CMPK2: variants seen among roughly 807,000 people sequenced by gnomAD.
CMPK2 encodes the protein UMP-CMP kinase 2, mitochondrial.
In CMPK2, 32 loss-of-function variants were observed where a neutral mutation model predicts 33.4. The ratio of observed to expected loss-of-function variants is 0.96; its 90% CI spans 0.72 to 1.29. CMPK2 has a LOEUF of 1.29. Ranked by LOEUF, CMPK2 falls within the 50% of genes most tolerant of loss-of-function variation. CMPK2 has a pLI of 0.00. For synonymous variants in CMPK2, 299 were observed against 275.3 expected (o/e 1.09, Z -0.85); for missense variants, 672 against 616.0 (o/e 1.09, Z -0.96).
chr2:6,866,017 G>T, upstream of CMPK2: 1 of 511,942 alleles, frequency 2.0e-6, no homozygotes. Context: ...GGCTGACACC[G>T]AATGAGGCCC....
intron 3 of CMPK2, among the ~76,000 whole-genome samples, chr2:6,855,436 T>G (rs1480317953): frequency 2.0e-5 from 3 of 151,958 alleles, no homozygotes; most frequent in African/African-American, 7.3e-5. Flanking sequence ...GCCTCCCATA[T>G]AGCCATGCAG....
chr2:6,847,659 C>T (rs1217622132), downstream of CMPK2, among the ~76,000 whole-genome samples: 1 of 152,190 alleles, frequency 6.6e-6, no homozygotes, highest in Non-Finnish European at 1.5e-5. Context: ...AAGCTAATTC[C>T]TTTTAGTGTC....
downstream of CMPK2, among the ~76,000 whole-genome samples, chr2:6,847,534 C>G (rs946365501): frequency 6.6e-6 from 1 of 152,214 alleles, no homozygotes; most frequent in Non-Finnish European, 1.5e-5. Flanking sequence ...GTTCCCTTAT[C>G]AGTGCCTGCA....
chr2:6,849,795 G>GT lies in CMPK2; in HGVS notation c.*54dup. On this transcript the variant is annotated 3_prime_UTR_variant, in exon 5 of 5. Coordinates refer to ENST00000256722, the MANE Select transcript of CMPK2 (RefSeq NM_207315.4). ...GAACACTGCATAACAAATGGTGGAT[G>GT]TAGATGTTTCAAACAACATCTAATC... is the stretch of plus-strand genomic sequence containing the variant. The GT allele has an allele frequency of 1.9e-6, 3 of 1,609,086 alleles. No individual in the cohort carries two copies. In the Admixed American group the frequency reaches 5.1e-5, roughly 27 times the overall value.
chr2:6,843,316 T>C (rs1214638551), downstream of CMPK2, among the ~76,000 whole-genome samples: 3 of 152,238 alleles, frequency 2.0e-5, no homozygotes, highest in East Asian at 3.8e-4. Flanking sequence ...TGGATTGGAA[T>C]TACAGCTTCA....
chr2:6,854,529 A>C (rs921625571), intron 3 of CMPK2, among the ~76,000 whole-genome samples: 1 of 152,216 alleles, frequency 6.6e-6, no homozygotes, highest in Non-Finnish European at 1.5e-5. Flanking sequence ...GGCAATTCAC[A>C]CACACAAAGA....
Position 6,865,485 on chromosome 2 carries a change from C to A in CMPK2, c.212G>T (p.Arg71Leu). The change falls in exon 1 of 5, where the codon CGC (arginine) becomes CTC (leucine). Residue 71 changes from arginine to leucine, a missense_variant. By Grantham distance (102) the Arg-to-Leu change is moderately radical (BLOSUM62 -2). Transcript: ENST00000256722. The part of the protein sequence containing the change: ...RLAALLGPPE[R>L]SYSLCVPVTP... ...CACGGGCACGCACAGCGAGTAGCTG[C>A]GCTCCGGGGGCCCCAGCAGCGCCGC... is the stretch of plus-strand genomic sequence containing the variant. 1 of 1,270,014 alleles carries A rather than the reference C, an allele frequency of 7.9e-7. No homozygotes were observed. The highest frequency in any genetic ancestry group is 9.9e-7 in the Non-Finnish European group (1 of 1,012,612). The allele number at this position is 1,270,014 out of a possible 1,614,324, so 78.7% of individuals were successfully genotyped here. A position where few individuals can be genotyped will look rare whatever the true frequency, so the allele number is the denominator to read the frequency against.
chr2:6,866,569 A>G, upstream of CMPK2: 1 of 630,888 alleles, frequency 1.6e-6, no homozygotes, highest in Non-Finnish European at 2.0e-6. Flanking sequence ...GAAGTGTGTC[A>G]GGATAGCACC....
chr2:6,863,263 T>A (rs1020811209), intron 2 of CMPK2, among the ~76,000 whole-genome samples: 1 of 152,116 alleles, frequency 6.6e-6, no homozygotes, highest in Non-Finnish European at 1.5e-5. Context: ...GCACTGAGGA[T>A]CCGCGCCCAC....
chr2:6,856,799 A>G (rs896329685), intron 3 of CMPK2, among the ~76,000 whole-genome samples: 2 of 152,194 alleles, frequency 1.3e-5, no homozygotes, highest in Admixed American at 6.5e-5. Context: ...TTCATTCAAC[A>G]TTACGGTTTT....
chr2:6,853,775 A>G (rs549864626), intron 3 of CMPK2, among the ~76,000 whole-genome samples: 4 of 152,104 alleles, frequency 2.6e-5, no homozygotes, highest in East Asian at 1.9e-4. Context: ...GGTGGCGGGC[A>G]CCTGTAGTCC....
downstream of CMPK2, among the ~76,000 whole-genome samples, chr2:6,845,904 T>G (rs1572131045): frequency 6.6e-6 from 1 of 151,580 alleles, no homozygotes; most frequent in South Asian, 2.1e-4. Context: ...ATGGGGAGAG[T>G]ATTGAAGCTA....
downstream of CMPK2, among the ~76,000 whole-genome samples, chr2:6,845,603 G>A (rs1362255193): frequency 6.6e-6 from 1 of 152,154 alleles, no homozygotes; most frequent in Admixed American, 6.5e-5. Flanking sequence ...CTAGCTTTCT[G>A]CCCTGCTGGA....
chr2:6,848,782 CCT>C lies in CMPK2; in HGVS notation c.*1066_*1067del, dbSNP rs962770723. On this transcript the variant is annotated 3_prime_UTR_variant, in exon 5 of 5. Transcript: ENST00000256722. ...AAGTCACACAGCTCTATAATTTCCC[CCT>C]CACTCAGCTACTTTTTTCTGTCTAA... 1.0e-6 allele frequency: 1 copy of C among 985,560 alleles called. No individual in the cohort carries two copies. Among genetic ancestry groups the C allele is most frequent in the South Asian group, 4.7e-5 (1 of 21,282 alleles). 61.1% of individuals were successfully genotyped at this position (985,560 alleles called of 1,614,324 possible).
At chr2:6,859,554 G>T (rs1046880395) in intron 3 of CMPK2, among the ~76,000 whole-genome samples, 1 of 152,226 alleles carries the variant, frequency 6.6e-6, no homozygotes, top group Non-Finnish European at 1.5e-5. Flanking sequence ...CCAAGGTACA[G>T]CTCAGGCTCT....
At position 6,851,475 on chromosome 2, in the gene CMPK2, C is replaced by T. The variant is rs1323785279; in HGVS notation, c.1201G>A (p.Glu401Lys). 1 of 1,614,236 alleles carries T rather than the reference C, an allele frequency of 6.2e-7. No individual in the cohort carries two copies. The highest frequency in any genetic ancestry group is 8.5e-7 in the Non-Finnish European group (1 of 1,180,044). ...TTTTGACGAAACACACTGTTGGCCT[C>T]AAGTTCTGCTTCTTCCCTGGTCTTC... is the stretch of plus-strand genomic sequence containing the variant. ...MEKTREEAEL[E>K]ANSVFRQKVE... The change falls in exon 4 of 5, where the codon GAG (glutamate) becomes AAG (lysine). Residue 401 changes from glutamate to lysine, a missense_variant. Coordinates refer to ENST00000256722, the MANE Select transcript of CMPK2 (RefSeq NM_207315.4).
Position 6,861,237 on chromosome 2 carries a change from A to G in CMPK2, c.939T>C (p.Ile313=). ...ATTCTTTAGCTATTTCGGAGGCCAC[A>G]ATATAATTGCCCAAAGAGTAAAAAG... The part of the protein sequence containing the change: ...RRAFYSLGNY[I]VASEIAKESA... The change falls in exon 3 of 5, where the codon ATT becomes ATC. Residue 313 remains isoleucine, a synonymous_variant. Transcript: ENST00000256722. The G allele has an allele frequency of 1.2e-6, 2 of 1,614,160 alleles. No homozygotes were observed. Among genetic ancestry groups the G allele is most frequent in the Non-Finnish European group, 1.7e-6 (2 of 1,180,024 alleles).
In CMPK2 at chr2:6,848,504, G is replaced by A; in HGVS notation, c.*1346C>T. Reference sequence around the variant, plus strand: ...TATCAGCTTTAAAATACTTTCAACTGAAATCAATTACATTTTAATATACAC... The same window carrying A: ...TATCAGCTTTAAAATACTTTCAACTAAAATCAATTACATTTTAATATACAC... On this transcript the variant is annotated 3_prime_UTR_variant, in exon 5 of 5. Transcript: ENST00000256722. 1 of 968,702 alleles carries A rather than the reference G, an allele frequency of 1.0e-6. No individual in the cohort carries two copies. Among genetic ancestry groups the A allele is most frequent in the Non-Finnish European group, 1.2e-6 (1 of 814,706 alleles). 60.0% of individuals were successfully genotyped at this position (968,702 alleles called of 1,614,324 possible).
intron 3 of CMPK2, among the ~76,000 whole-genome samples, chr2:6,859,536 G>T (rs1425709246): frequency 6.6e-6 from 1 of 152,198 alleles, no homozygotes; most frequent in Non-Finnish European, 1.5e-5. Context: ...CTAGCCTTGA[G>T]TAAGAGGCCA....
Sources: gnomAD v4.1 joint callset for allele counts (sites outside exome capture counted in the v4.1 genomes callset) on GRCh38, gnomAD v4.1.1 for gene constraint, MANE v1.5 for transcripts, NCBI Gene and HGNC (gene_info 2026-07-23, HGNC 2026-07-21) for gene names.